Variants in ERCC6L2 observed in about 807,000 individuals in gnomAD.
The protein encoded by ERCC6L2 is DNA excision repair protein ERCC-6-like 2.
A neutral mutation model predicts 132.0 loss-of-function variants in ERCC6L2; 77 were observed. The observed-to-expected ratio is 0.58, with a 90% CI of 0.49 to 0.71. ERCC6L2 has a LOEUF of 0.71. Ranked by LOEUF, ERCC6L2 falls within the 30% of genes least tolerant of loss-of-function variation. ERCC6L2 has a pLI of 0.00. For missense variants in ERCC6L2, 1,542 were observed against 1,837.6 expected (o/e 0.84, Z 2.94); for synonymous variants, 583 against 632.4 (o/e 0.92, Z 1.17).
rs562006686 is a variant in ERCC6L2, at chr9:95,913,146, A to G, written c.789-2522A>G. Among the ~76,000 whole-genome samples, 90 of 152,306 alleles carry G rather than the reference A, an allele frequency of 5.9e-4. 1 individual carries two copies. The highest frequency in any genetic ancestry group is 9.7e-4 in the Non-Finnish European group (66 of 68,028). Reference sequence around the variant, plus strand: ...CATTTAAATATCCTGGTATCCCTCAATCCTTTTACTTAGTAGTATTAGCAC... The same window carrying G: ...CATTTAAATATCCTGGTATCCCTCAGTCCTTTTACTTAGTAGTATTAGCAC... On this transcript the variant is annotated intron_variant, in intron 4 of 18. Transcript: ENST00000653738.
At chr9:95,918,141 T>A (rs1829688875) in intron 6 of ERCC6L2, 1 of 459,194 alleles carries the variant, frequency 2.2e-6, no homozygotes, top group Non-Finnish European at 4.3e-6. Flanking sequence ...TAAAAATAGC[T>A]TCCAAAAGAG....
At chr9:95,900,171 G>C (rs763190064) in intron 3 of ERCC6L2, among the ~76,000 whole-genome samples, 3 of 152,066 alleles carry the variant, frequency 2.0e-5, no homozygotes, top group Admixed American at 6.6e-5. Flanking sequence ...GGATCGCCCA[G>C]GAGTTTGAGA....
chr9:95,940,449 C>G (rs998870413), intron 11 of ERCC6L2, among the ~76,000 whole-genome samples: 3 of 152,196 alleles, frequency 2.0e-5, no homozygotes, highest in Middle Eastern at 3.4e-3. Flanking sequence ...GCTAGACTTT[C>G]TTCTCACAGT....
chr9:96,001,412 G>C (rs3118725), intron 17 of ERCC6L2, among the ~76,000 whole-genome samples: 65,570 of 151,800 alleles, frequency 0.43, 14,372 homozygotes, highest in African/African-American at 0.48. Context: ...GGTTCTCCAC[G>C]TCCCCATCAG....
chr9:95,951,253 A>T (rs1303528479), intron 12 of ERCC6L2, among the ~76,000 whole-genome samples: 1 of 152,218 alleles, frequency 6.6e-6, no homozygotes, highest in African/African-American at 2.4e-5. Flanking sequence ...GGGAAGTTAG[A>T]AAATAGCTTG....
chr9:95,956,853 T>C (rs537290734), intron 13 of ERCC6L2, among the ~76,000 whole-genome samples: 2 of 152,226 alleles, frequency 1.3e-5, no homozygotes, highest in South Asian at 4.1e-4. Context: ...AGTGAAACCA[T>C]ATCAGCTAGC....
chr9:95,939,391 T>G (rs1456627803), intron 11 of ERCC6L2, among the ~76,000 whole-genome samples: 1 of 152,080 alleles, frequency 6.6e-6, no homozygotes, highest in East Asian at 1.9e-4. Flanking sequence ...TTATCTCCTT[T>G]CCCTTTCTGA....
rs530905772 is a variant in ERCC6L2 at position 95,925,783 on chromosome 9, G to A, written c.1534-2296G>A. The stretch of plus-strand genomic sequence containing the variant: ...ATACAATATATCCTTGGTTTAAAAT[G>A]TTAATATCTTAAGAATGAAAAACAA... On this transcript the variant is annotated intron_variant, in intron 9 of 18. Coordinates refer to ENST00000653738, the MANE Select transcript of ERCC6L2 (RefSeq NM_020207.7). Among the ~76,000 whole-genome samples, 3 of 152,170 alleles carry A rather than the reference G, an allele frequency of 2.0e-5. No homozygotes were observed. The South Asian group carries it at 6.2e-4, about 32-fold the overall frequency.
At chr9:95,976,461 C>G (rs1467560460) in intron 16 of ERCC6L2, among the ~76,000 whole-genome samples, 3 of 152,260 alleles carry the variant, frequency 2.0e-5, no homozygotes, top group Admixed American at 2.0e-4. Context: ...CTGCTGTTCT[C>G]CAGCTGGCCC....
chr9:96,031,334 GGA>G lies in ERCC6L2; in HGVS notation c.*1504-7541_*1504-7540del, dbSNP rs79738631. Reference sequence around the variant, plus strand: ...TTGTTTTTTAAGGAACAGTGGTCAGGGAAGGTCTCCCTAAGGAGGTGACACTT... The same window carrying G: ...TTGTTTTTTAAGGAACAGTGGTCAGGAGGTCTCCCTAAGGAGGTGACACTT... On this transcript the variant is annotated intron_variant and NMD_transcript_variant, in intron 19 of 20. Coordinates refer to the ERCC6L2 transcript ENST00000670016. 2.0e-5 allele frequency among the ~76,000 whole-genome samples: 3 copies of G among 152,084 alleles called. No individual in the cohort carries two copies. The East Asian group carries it at 5.8e-4, about 29-fold the overall frequency.
At chr9:95,999,631 T>C (rs1016813771) in intron 17 of ERCC6L2, among the ~76,000 whole-genome samples, 2 of 152,130 alleles carry the variant, frequency 1.3e-5, no homozygotes, top group Admixed American at 6.5e-5. Context: ...GCTTCAGAAA[T>C]TGCAAAATAT....
chr9:96,035,370 C>G (rs1343877217), intron 19 of ERCC6L2, among the ~76,000 whole-genome samples: 2 of 152,210 alleles, frequency 1.3e-5, no homozygotes, highest in Non-Finnish European at 2.9e-5. Context: ...GACCAACTGG[C>G]AGGCACTTCC....
chr9:95,892,493 A>G (rs1219925819), intron 2 of ERCC6L2, among the ~76,000 whole-genome samples: 4 of 145,964 alleles, frequency 2.7e-5, no homozygotes, highest in Admixed American at 1.4e-4. Flanking sequence ...TGGTGATCTC[A>G]GCTCACTGCA....
At chr9:95,883,178 C>A (rs1827686557) in intron 2 of ERCC6L2, among the ~76,000 whole-genome samples, 2 of 152,178 alleles carry the variant, frequency 1.3e-5, no homozygotes, top group African/African-American at 4.8e-5. Context: ...GCCTCTCATT[C>A]ATCAGATTAC....
chr9:95,881,375 TGTTAC>T, intron 2 of ERCC6L2, 82 bp downstream of exon 2: 2 of 1,074,108 alleles, frequency 1.9e-6, no homozygotes, highest in Non-Finnish European at 2.6e-6. Flanking sequence ...TTTGTACTGC[TGTTAC>T]GATAGCTATT....
At chr9:95,905,979 T>G (rs969635975) in intron 3 of ERCC6L2, among the ~76,000 whole-genome samples, 3 of 152,136 alleles carry the variant, frequency 2.0e-5, no homozygotes, top group Non-Finnish European at 4.4e-5. Context: ...ATAGGAATAG[T>G]GGTAACAGGG....
intron 14 of ERCC6L2, among the ~76,000 whole-genome samples, 166 bp from the exon 15 acceptor site, chr9:95,970,410 G>T (rs1832359689): frequency 6.6e-6 from 1 of 152,116 alleles, no homozygotes; most frequent in African/African-American, 2.4e-5. Context: ...TTATATATGA[G>T]TTTCTTAATT....
At chr9:96,026,776 CA>C (rs1310962854) in intron 19 of ERCC6L2, among the ~76,000 whole-genome samples, 1 of 100,708 alleles carries the variant, frequency 9.9e-6, no homozygotes, top group Non-Finnish European at 1.9e-5. Context: ...ACACCACACA[CA>C]AACACCACAC....
chr9:95,903,725 A>G (rs555127355), intron 3 of ERCC6L2, among the ~76,000 whole-genome samples: 108 of 152,256 alleles, frequency 7.1e-4, no homozygotes, highest in Non-Finnish European at 1.3e-3. Context: ...TGTTCAGAGG[A>G]CAGTGACAGT....
Sources: gnomAD v4.1 joint callset for allele counts (sites outside exome capture counted in the v4.1 genomes callset) on GRCh38, gnomAD v4.1.1 for gene constraint, MANE v1.5 for transcripts, NCBI Gene and HGNC (gene_info 2026-07-23, HGNC 2026-07-21) for gene names.